PRKN: variants seen among roughly 807,000 people sequenced by gnomAD.
PRKN encodes the protein parkin RBR E3 ubiquitin protein ligase, also known as E3 ubiquitin-protein ligase parkin.
In PRKN, 56 loss-of-function variants were observed where a neutral mutation model predicts 59.5. The ratio of observed to expected loss-of-function variants is 0.94; its 90% CI spans 0.76 to 1.18. The LOEUF is 1.18. PRKN is among the 50% of genes most tolerant of loss of function. The pLI is 0.00. For synonymous variants in PRKN, 250 were observed against 222.1 expected (o/e 1.13, Z -1.12); for missense variants, 657 against 596.4 (o/e 1.10, Z -1.06).
rs941223154 is a variant in PRKN at position 161,463,655 on chromosome 6, G to T, written c.1084-76778C>A. Among the ~76,000 whole-genome samples, 2 of 152,130 alleles carry T rather than the reference G, an allele frequency of 1.3e-5. No homozygotes were observed. Among genetic ancestry groups the T allele is most frequent in the African/African-American group, 4.8e-5 (2 of 41,428 alleles). On this transcript the variant is annotated intron_variant, in intron 9 of 11. Coordinates refer to ENST00000366898, the MANE Select transcript of PRKN (RefSeq NM_004562.3). This position sits in a 1 kb window ranked among gnomAD's most constrained non-coding sequence, Gnocchi z 4.8. ...AGGTAAAGGCCAAAGTTTTGATTCA[G>T]CATGAATGAGAAATTCAATGTACTA...
chr6:162,372,354 A>T (rs542401067), intron 2 of PRKN, among the ~76,000 whole-genome samples: 1 of 152,042 alleles, frequency 6.6e-6, no homozygotes, highest in South Asian at 2.1e-4. Flanking sequence ...GTCCCTGGAG[A>T]CTCTGGGACA....
At chr6:161,368,006 C>A (rs1785279113) in intron 10 of PRKN, among the ~76,000 whole-genome samples, 1 of 152,024 alleles carries the variant, frequency 6.6e-6, no homozygotes, top group Non-Finnish European at 1.5e-5. Flanking sequence ...ATACTCCAGG[C>A]CCCTGCAGCC....
chr6:162,023,588 G>A (rs1783299203), intron 5 of PRKN, among the ~76,000 whole-genome samples: 2 of 152,130 alleles, frequency 1.3e-5, no homozygotes, highest in South Asian at 2.1e-4. Context: ...ACGACTAGCG[G>A]CTTGCATCTT....
intron 7 of PRKN, among the ~76,000 whole-genome samples, chr6:161,642,927 C>G (rs1025555727): frequency 6.6e-6 from 1 of 152,164 alleles, no homozygotes. Context: ...AAGCATAGAT[C>G]TACTTCTTGG....
intron 1 of PRKN, among the ~76,000 whole-genome samples, chr6:162,571,510 A>G (rs935696672): frequency 6.6e-6 from 1 of 152,214 alleles, no homozygotes; most frequent in African/African-American, 2.4e-5. Flanking sequence ...CTTTTGGCAG[A>G]TAAAATTTGT....
chr6:161,990,527 G>A (rs989037916), intron 5 of PRKN, among the ~76,000 whole-genome samples: 6 of 152,080 alleles, frequency 3.9e-5, no homozygotes, highest in Non-Finnish European at 1.5e-5. Context: ...TTCATGATCT[G>A]AATGAGAAAC....
intron 7 of PRKN, among the ~76,000 whole-genome samples, chr6:161,727,315 G>A (rs142537565): frequency 6.6e-6 from 1 of 152,300 alleles, no homozygotes; most frequent in Non-Finnish European, 1.5e-5. Flanking sequence ...CAGAGGGACA[G>A]AAGAGGGAGT....
At chr6:162,051,051 G>A (rs575072904) in intron 5 of PRKN, among the ~76,000 whole-genome samples, 94 of 152,266 alleles carry the variant, frequency 6.2e-4, no homozygotes, top group Non-Finnish European at 1.2e-3. Context: ...TACAAGTGCT[G>A]CAATGACAAG....
chr6:162,633,499 TA>T (rs1238719040), intron 1 of PRKN, among the ~76,000 whole-genome samples: 2 of 142,134 alleles, frequency 1.4e-5, no homozygotes, highest in African/African-American at 5.2e-5. Flanking sequence ...TTATAACTCC[TA>T]AAACTCCAGT....
At chr6:161,656,673 G>A (rs1006951297) in intron 7 of PRKN, among the ~76,000 whole-genome samples, 2 of 152,180 alleles carry the variant, frequency 1.3e-5, no homozygotes, top group Non-Finnish European at 2.9e-5. Flanking sequence ...TCCAGATCCT[G>A]ATGAGGGGCA....
intron 1 of PRKN, among the ~76,000 whole-genome samples, chr6:162,619,182 C>T (rs1354784745): frequency 3.4e-5 from 5 of 147,346 alleles, no homozygotes; most frequent in Admixed American, 6.9e-5. Context: ...CTCTCTCTGT[C>T]GCCAGGCTGG....
At chr6:162,713,269 C>T (rs2849517) in intron 1 of PRKN, among the ~76,000 whole-genome samples, 122,339 of 152,064 alleles carry the variant, frequency 0.8, 49,408 homozygotes, top group East Asian at 0.97. Context: ...CCGAGGCGGG[C>T]GGATCACGAG....
chr6:161,493,780 C>T (rs1192898297), intron 9 of PRKN, among the ~76,000 whole-genome samples: 2 of 152,194 alleles, frequency 1.3e-5, no homozygotes, highest in Non-Finnish European at 2.9e-5. Context: ...CTCTTGGGTT[C>T]CTCCTCTTCC....
chr6:161,968,265 C>T (rs1486527471), intron 6 of PRKN, among the ~76,000 whole-genome samples: 9 of 150,942 alleles, frequency 6.0e-5, no homozygotes, highest in Non-Finnish European at 5.9e-5. Flanking sequence ...TCTCAAACTC[C>T]TGGCCTCAAG....
At chr6:162,241,683 T>C (rs1019521594) in intron 3 of PRKN, among the ~76,000 whole-genome samples, 2 of 152,158 alleles carry the variant, frequency 1.3e-5, no homozygotes, top group African/African-American at 4.8e-5. Context: ...AAACTTTGAA[T>C]GCTTCATCAC....
At chr6:161,636,988 C>T (rs1302173458) in intron 7 of PRKN, among the ~76,000 whole-genome samples, 1 of 152,184 alleles carries the variant, frequency 6.6e-6, no homozygotes, top group Non-Finnish European at 1.5e-5. Flanking sequence ...GCCACGCCAT[C>T]ACATAAAATG....
chr6:162,029,227 G>A (rs1383998383), intron 5 of PRKN, among the ~76,000 whole-genome samples: 2 of 152,088 alleles, frequency 1.3e-5, no homozygotes, highest in East Asian at 3.9e-4. Context: ...CAGTCACTGG[G>A]TCTGACATTT....
chr6:161,691,016 T>C (rs1583011458), intron 7 of PRKN, among the ~76,000 whole-genome samples: 1 of 144,900 alleles, frequency 6.9e-6, no homozygotes, highest in Admixed American at 7.0e-5. Flanking sequence ...CAACCATCCG[T>C]CCATCCATCC....
At chr6:161,617,160 T>C (rs775190711) in intron 7 of PRKN, among the ~76,000 whole-genome samples, 1 of 152,240 alleles carries the variant, frequency 6.6e-6, no homozygotes, top group African/African-American at 2.4e-5. Flanking sequence ...CAATGACCAG[T>C]GATGATGAGC....
Sources: gnomAD v4.1 joint callset for allele counts (sites outside exome capture counted in the v4.1 genomes callset) on GRCh38, gnomAD v4.1.1 for gene constraint, Gnocchi (gnomAD v3.1) non-coding constraint, MANE v1.5 for transcripts, NCBI Gene and HGNC (gene_info 2026-07-23, HGNC 2026-07-21) for gene names.